The following WDR48 variants were observed in gnomAD, a reference collection of about 807,000 sequenced individuals.
WDR48 encodes WD repeat-containing protein 48.
In WDR48, 22 loss-of-function variants were observed where a neutral mutation model predicts 94.0. That is an observed-to-expected ratio of 0.23 (90% CI 0.17 to 0.33). WDR48 has a LOEUF of 0.33. WDR48 is among the 10% of genes least tolerant of loss of function. WDR48 has a pLI of 1.00. For missense variants in WDR48, 541 were observed against 813.8 expected (o/e 0.66, Z 4.08); for synonymous variants, 278 against 280.5 (o/e 0.99, Z 0.09).
chr3:39,087,562 T>C (rs986768615), intron 14 of WDR48, among the ~76,000 whole-genome samples: 1 of 152,104 alleles, frequency 6.6e-6, no homozygotes, highest in Admixed American at 6.5e-5. Flanking sequence ...GAGGCCGCAA[T>C]GATCTGTGAT....
chr3:39,078,085 G>T, intron 9 of WDR48, 52 bp from the exon 10 acceptor site: 1 of 1,383,232 alleles, frequency 7.2e-7, no homozygotes, highest in African/African-American at 1.4e-5. Context: ...TAAACAGGCT[G>T]GCAAAGCTTG....
chr3:39,053,184 G>C (rs1261929483), intron 1 of WDR48, among the ~76,000 whole-genome samples: 3 of 152,192 alleles, frequency 2.0e-5, no homozygotes, highest in African/African-American at 4.8e-5. Context: ...GCCCCCAAAG[G>C]GGAAAAGGGA....
intron 7 of WDR48, among the ~76,000 whole-genome samples, chr3:39,073,519 C>T (rs1291675954): frequency 6.6e-6 from 1 of 152,174 alleles, no homozygotes; most frequent in South Asian, 2.1e-4. Context: ...TGAAGCTCTG[C>T]TTACTTAACT....
At chr3:39,075,771 G>A (rs2125662695) in intron 8 of WDR48, among the ~76,000 whole-genome samples, 1 of 151,374 alleles carries the variant, frequency 6.6e-6, no homozygotes, top group Admixed American at 6.6e-5. Flanking sequence ...TCGGCTCACT[G>A]CAAGTTCCAC....
At chr3:39,064,384 C>T (rs1353830278) in intron 2 of WDR48, among the ~76,000 whole-genome samples, 1 of 151,050 alleles carries the variant, frequency 6.6e-6, no homozygotes, top group Non-Finnish European at 1.5e-5. Flanking sequence ...AATCAATTTT[C>T]CTGCCTCAGC....
Position 39,088,196 on chromosome 3 carries a change from G to T in WDR48, c.1543G>T (p.Val515Leu). ...TTTTCAAGTGCCCCCACATACACCC[G>T]TGATCTTTGGTGAAGCTGGAGGTCG... ...GYFQVPPHTPVIFGEAGGRTL... is the reference protein window; with the variant it reads ...GYFQVPPHTPLIFGEAGGRTL... Residue 515 changes from valine (V) to leucine (L), a missense_variant, in exon 15 of 19, where the codon GTG (valine) becomes TTG (leucine). By Grantham distance (32) the Val-to-Leu change is conservative. This residue lies in a region of WDR48 where 238 missense variants were observed against 285.3 expected (regional missense o/e 0.83). Transcript: ENST00000302313. 6.2e-7 allele frequency: 1 copy of T among 1,614,172 alleles called. No individual in the cohort carries two copies. The highest frequency in any genetic ancestry group is 8.5e-7 in the Non-Finnish European group (1 of 1,180,034).
chr3:39,054,888 A>G (rs1340728896), intron 1 of WDR48, among the ~76,000 whole-genome samples: 3 of 152,246 alleles, frequency 2.0e-5, no homozygotes, highest in Non-Finnish European at 4.4e-5. Context: ...TATGCATTTT[A>G]AAAGTCAGGA....
intron 9 of WDR48, 35 bp from the exon 10 acceptor site, chr3:39,078,102 A>G (rs745936090): frequency 4.0e-6 from 6 of 1,502,240 alleles, no homozygotes; most frequent in African/African-American, 2.8e-5. Context: ...CTTGTAGAGC[A>G]TAACATGATC....
chr3:39,056,738 A>G (rs1316706100), intron 1 of WDR48, among the ~76,000 whole-genome samples: 1 of 152,258 alleles, frequency 6.6e-6, no homozygotes, highest in East Asian at 1.9e-4. Flanking sequence ...GCAAGGACTA[A>G]GTTGCCAACC....
chr3:39,094,014 A>G lies in WDR48; in HGVS notation c.1886A>G (p.Glu629Gly). Residue 629 changes from glutamate to glycine, a missense_variant, in exon 18 of 19, where the codon GAA becomes GGA. Physicochemically the swap from Glu to Gly is moderately conservative, Grantham distance 98 (BLOSUM62 -2). Transcript: ENST00000302313. The part of the protein sequence containing the change: ...NEKPGEQEKE[E>G]DIAVLAEEKI... Reference sequence around the variant, plus strand: ...AAACCAGGAGAACAGGAAAAAGAAGAAGATATTGCTGTGTTGGCAGAGGAG... The same window carrying G: ...AAACCAGGAGAACAGGAAAAAGAAGGAGATATTGCTGTGTTGGCAGAGGAG... 1 of 1,614,084 alleles carries G rather than the reference A, an allele frequency of 6.2e-7. No individual in the cohort carries two copies. Among genetic ancestry groups the G allele is most frequent in the Non-Finnish European group, 8.5e-7 (1 of 1,179,998 alleles).
At chr3:39,076,996 G>A in intron 8 of WDR48, 143 bp from the exon 9 acceptor site, 1 of 805,816 alleles carries the variant, frequency 1.2e-6, no homozygotes, top group Non-Finnish European at 2.0e-6. Flanking sequence ...TCATTTTTCT[G>A]TGCATCCTTA....
At chr3:39,057,783 C>T (rs1451643520) in intron 1 of WDR48, among the ~76,000 whole-genome samples, 3 of 151,974 alleles carry the variant, frequency 2.0e-5, no homozygotes, top group African/African-American at 7.2e-5. Flanking sequence ...CCACCACACC[C>T]GTCTAATTTT....
At chr3:39,059,282 A>C (rs1315230436) in intron 1 of WDR48, among the ~76,000 whole-genome samples, 1 of 152,106 alleles carries the variant, frequency 6.6e-6, no homozygotes, top group Non-Finnish European at 1.5e-5. Flanking sequence ...GGGGTGGTGA[A>C]TCTTCATGAC....
chr3:39,074,665 C>T, intron 7 of WDR48, 61 bp from the exon 8 acceptor site: 1 of 1,566,526 alleles, frequency 6.4e-7, no homozygotes, highest in African/African-American at 1.3e-5. Context: ...AAGTCAAGTG[C>T]AAAGCACAAG....
intron 10 of WDR48, 41 bp downstream of exon 10, chr3:39,078,280 C>T (rs765818733): frequency 1.9e-5 from 26 of 1,373,262 alleles, no homozygotes; most frequent in Admixed American, 7.9e-5. Flanking sequence ...TTGAAGTTAG[C>T]GATAGTTACT....
At chr3:39,070,274 A>G (rs1307263158) in intron 7 of WDR48, among the ~76,000 whole-genome samples, 1 of 152,232 alleles carries the variant, frequency 6.6e-6, no homozygotes, top group Non-Finnish European at 1.5e-5. Flanking sequence ...TTCTGTAGCA[A>G]TGGAAAATAC....
chr3:39,069,827 A>G, intron 7 of WDR48, 83 bp downstream of exon 7: 1 of 1,083,602 alleles, frequency 9.2e-7, no homozygotes. Flanking sequence ...GGTTGATTTG[A>G]ACCGAAAGCC....
chr3:39,087,960 T>A (rs2034895587), intron 14 of WDR48, 168 bp from the exon 15 acceptor site: 2 of 618,156 alleles, frequency 3.2e-6, no homozygotes, highest in Non-Finnish European at 5.6e-6. Context: ...GCTGTGTTTC[T>A]TATTTTCAGA....
chr3:39,074,585 T>C, intron 7 of WDR48, 141 bp from the exon 8 acceptor site: 1 of 831,238 alleles, frequency 1.2e-6, no homozygotes, highest in Admixed American at 2.7e-5. Context: ...GGTGCATGGT[T>C]GTCAAGCCTT....
Sources: allele counts gnomAD v4.1 joint callset (sites outside exome capture counted in the v4.1 genomes callset), GRCh38; gene constraint gnomAD v4.1.1; regional missense constraint gnomAD v4.1.1; transcripts MANE v1.5; gene names NCBI Gene and HGNC (gene_info 2026-07-23, HGNC 2026-07-21).